SV2C: variants seen among roughly 807,000 people sequenced by gnomAD.
SV2C encodes the protein solute carrier family 22 member B3.
In SV2C, 49 loss-of-function variants were observed where a neutral mutation model predicts 79.7. That is an observed-to-expected ratio of 0.61 (90% CI 0.49 to 0.78). The LOEUF (loss-of-function observed/expected upper bound fraction) is 0.78, where lower values mean the gene tolerates loss of function less well. Ranked by LOEUF, SV2C falls within the 30% of genes least tolerant of loss-of-function variation. The probability of loss-of-function intolerance (pLI) is 0.00; values close to 1 mark genes in which losing one functional copy is unlikely to be tolerated. For synonymous variants in SV2C, 334 were observed against 333.2 expected (o/e 1.00, Z -0.03); for missense variants, 833 against 912.9 (o/e 0.91, Z 1.13).
chr5:76,038,323 G>A, the SV2C span, among the ~76,000 whole-genome samples: 1 of 152,242 alleles, frequency 6.6e-6, no homozygotes, highest in Non-Finnish European at 1.5e-5. Context: ...TAAGCTAGAA[G>A]TAGGGGATTG....
At chr5:76,224,660 C>T (rs1351261588) in intron 4 of SV2C, among the ~76,000 whole-genome samples, 1 of 152,288 alleles carries the variant, frequency 6.6e-6, no homozygotes, top group East Asian at 1.9e-4. Context: ...GGAGAGAATG[C>T]TTCCCTCATA....
the SV2C span, chr5:75,921,284 C>T: frequency 3.0e-5 from 44 of 1,484,434 alleles, no homozygotes; most frequent in Admixed American, 6.8e-4. Flanking sequence ...CTTGCCATCC[C>T]ACTTGTCAAA....
intron 2 of SV2C, among the ~76,000 whole-genome samples, chr5:76,149,542 A>T (rs1020205178): frequency 6.6e-6 from 1 of 152,238 alleles, no homozygotes; most frequent in African/African-American, 2.4e-5. Context: ...TGAAGATTAT[A>T]AATGATACTA....
At chr5:76,250,919 G>T (rs553638935) in intron 4 of SV2C, among the ~76,000 whole-genome samples, 1 of 152,258 alleles carries the variant, frequency 6.6e-6, no homozygotes, top group African/African-American at 2.4e-5. Flanking sequence ...GCCATCAGCT[G>T]TGTATTATGA....
At chr5:76,266,664 G>C (rs2112465980) in intron 4 of SV2C, among the ~76,000 whole-genome samples, 1 of 152,260 alleles carries the variant, frequency 6.6e-6, no homozygotes. Context: ...GGGTAGGGCA[G>C]GAATGATGAG....
the SV2C span, among the ~76,000 whole-genome samples, chr5:76,002,867 G>GGT: frequency 4.0e-5 from 6 of 151,250 alleles, no homozygotes; most frequent in Non-Finnish European, 7.4e-5. Context: ...CTGTGCGTGT[G>GGT]TTTTTTTTAA....
chr5:76,228,695 A>G (rs946418365), intron 4 of SV2C, among the ~76,000 whole-genome samples: 7 of 152,190 alleles, frequency 4.6e-5, no homozygotes, highest in African/African-American at 1.7e-4. Flanking sequence ...AGCATCCTGT[A>G]CTAATGTTTA....
At chr5:76,191,246 G>T (rs956330741) in intron 2 of SV2C, among the ~76,000 whole-genome samples, 1 of 150,036 alleles carries the variant, frequency 6.7e-6, no homozygotes, top group Admixed American at 6.6e-5. Flanking sequence ...TACCCCCATG[G>T]TCTAATCACC....
the SV2C span, among the ~76,000 whole-genome samples, chr5:75,848,117 C>T: frequency 1.3e-5 from 2 of 152,204 alleles, no homozygotes; most frequent in South Asian, 2.1e-4. Context: ...GGAGCTGGAA[C>T]GCCTCCCAGG....
the SV2C span, among the ~76,000 whole-genome samples, chr5:76,024,977 G>A: frequency 3.9e-5 from 6 of 152,130 alleles, no homozygotes; most frequent in Admixed American, 2.6e-4. Flanking sequence ...GCAGAGCAGA[G>A]ATAGACACGG....
At chr5:76,344,646 T>C (rs1749505307) in intron 12 of SV2C, among the ~76,000 whole-genome samples, 1 of 151,936 alleles carries the variant, frequency 6.6e-6, no homozygotes, top group Non-Finnish European at 1.5e-5. Context: ...GAGGCGGAGG[T>C]TGTGGTGAGC....
chr5:76,352,940 C>CTTTT (rs556688242), intron 12 of SV2C, among the ~76,000 whole-genome samples: 1 of 136,538 alleles, frequency 7.3e-6, no homozygotes, highest in African/African-American at 2.7e-5. Flanking sequence ...ATTTTTACCT[C>CTTTT]TTTTTTTTTT....
chr5:76,142,963 G>A (rs758016181), intron 2 of SV2C, among the ~76,000 whole-genome samples: 2 of 149,408 alleles, frequency 1.3e-5, no homozygotes, highest in African/African-American at 4.9e-5. Context: ...GTGCAATCTC[G>A]GCTCACTACT....
the SV2C span, among the ~76,000 whole-genome samples, chr5:75,932,715 G>A: frequency 5.3e-5 from 8 of 152,178 alleles, no homozygotes; most frequent in Admixed American, 2.0e-4. Context: ...GGCGGGCCAG[G>A]TTTTCCTTGC....
intron 12 of SV2C, among the ~76,000 whole-genome samples, chr5:76,316,841 C>T (rs1197522923): frequency 1.3e-5 from 2 of 152,080 alleles, no homozygotes; most frequent in African/African-American, 4.8e-5. Context: ...ACCCTCAGCT[C>T]GATATCACTT....
the SV2C span, among the ~76,000 whole-genome samples, chr5:75,997,783 C>G: frequency 6.6e-6 from 1 of 152,136 alleles, no homozygotes. Flanking sequence ...GTTAGTGTGG[C>G]AATTCCTCAG....
intron 1 of SV2C, among the ~76,000 whole-genome samples, chr5:76,099,671 C>T (rs545688668): frequency 6.6e-6 from 1 of 152,286 alleles, no homozygotes; most frequent in East Asian, 1.9e-4. Context: ...TCTTCTCAGG[C>T]TAACTATTGG....
At chr5:76,148,942 G>A (rs1749518138) in intron 2 of SV2C, among the ~76,000 whole-genome samples, 1 of 152,296 alleles carries the variant, frequency 6.6e-6, no homozygotes, top group Middle Eastern at 3.4e-3. Context: ...ATTTGAGCCT[G>A]TTTTTCCAGT....
the SV2C span, among the ~76,000 whole-genome samples, chr5:75,948,620 T>G: frequency 1.3e-5 from 2 of 152,062 alleles, no homozygotes; most frequent in Non-Finnish European, 2.9e-5. Flanking sequence ...GGAGGGCTTA[T>G]TTGATAAGGC....
Sources: gnomAD v4.1 joint callset for allele counts (sites outside exome capture counted in the v4.1 genomes callset) on GRCh38, gnomAD v4.1.1 for gene constraint, MANE v1.5 for transcripts, NCBI Gene and HGNC (gene_info 2026-07-23, HGNC 2026-07-21) for gene names.